Variants in DACH2 observed in about 807,000 individuals in gnomAD.
The protein encoded by DACH2 is dachshund homolog 2.
A neutral mutation model predicts 35.8 loss-of-function variants in DACH2; 17 were observed. That is an observed-to-expected ratio of 0.48 (90% CI 0.33 to 0.71). The LOEUF (loss-of-function observed/expected upper bound fraction) is 0.71. Ranked by LOEUF, DACH2 falls within the 30% of genes least tolerant of loss-of-function variation. The probability of loss-of-function intolerance (pLI) is 0.02; values close to 1 mark genes in which losing one functional copy is unlikely to be tolerated. For synonymous variants in DACH2, 195 were observed against 177.3 expected (o/e 1.10, Z -0.79); for missense variants, 469 against 472.7 (o/e 0.99, Z 0.07).
chrX:86,195,562 C>G (rs939534871), intron 1 of DACH2, among the ~76,000 whole-genome samples: 2 of 111,595 alleles, frequency 1.8e-5, no homozygotes, highest in Non-Finnish European at 3.8e-5. Context: ...CTGGTACCCA[C>G]TAGCACCCTG....
At chrX:86,206,062 G>A (rs1157250110) in intron 1 of DACH2, among the ~76,000 whole-genome samples, 1 of 111,423 alleles carries the variant, frequency 9.0e-6, no homozygotes, top group East Asian at 2.8e-4. Context: ...GACTTACTTG[G>A]AGGTCTACCA....
At chrX:86,373,166 T>G (rs1320168117) in intron 1 of DACH2, among the ~76,000 whole-genome samples, 1 of 110,755 alleles carries the variant, frequency 9.0e-6, no homozygotes, top group Non-Finnish European at 1.9e-5. Context: ...GTAGAAAAAT[T>G]TATTTTCCTT....
chrX:86,543,908 C>T (rs1768973049), intron 3 of DACH2, among the ~76,000 whole-genome samples: 1 of 106,990 alleles, frequency 9.3e-6, no homozygotes, highest in African/African-American at 3.4e-5. Flanking sequence ...GTGGGTGCAG[C>T]GCACCAGCAT....
chrX:86,830,693 C>A, intron 11 of DACH2: 1 of 111,705 alleles, frequency 9.0e-6, no homozygotes, highest in Middle Eastern at 4.7e-3. Flanking sequence ...TGTGCTATTG[C>A]TTTCCAGTTT....
At chrX:86,805,460 T>C (rs1487653049) in intron 7 of DACH2, among the ~76,000 whole-genome samples, 5 of 112,469 alleles carry the variant, frequency 4.4e-5, no homozygotes, top group South Asian at 3.6e-4. Flanking sequence ...TGAAATGCCT[T>C]TGAGGCATTT....
At chrX:86,641,826 C>A (rs1049325357) in intron 3 of DACH2, among the ~76,000 whole-genome samples, 2 of 111,908 alleles carry the variant, frequency 1.8e-5, no homozygotes, top group African/African-American at 6.5e-5. Context: ...AGAAAAAAAT[C>A]TTCAACCAAT....
chrX:86,403,426 AAAAATCACT>A (rs759675194), intron 2 of DACH2, among the ~76,000 whole-genome samples: 12 of 112,296 alleles, frequency 1.1e-4, no homozygotes, highest in Non-Finnish European at 1.7e-4. Flanking sequence ...GAAAATATGA[AAAAATCACT>A]AATCATCAGA....
chrX:86,396,184 T>A (rs773493735), intron 2 of DACH2, among the ~76,000 whole-genome samples: 28 of 111,784 alleles, frequency 2.5e-4, no homozygotes, highest in African/African-American at 8.8e-4. Flanking sequence ...CATAAATGTC[T>A]TCTTTTGAGA....
chrX:86,543,328 C>A lies in DACH2; in HGVS notation c.640+28937C>A, dbSNP rs775197281. On this transcript the variant is annotated intron_variant, in intron 3 of 11. Coordinates refer to ENST00000373125, the MANE Select transcript of DACH2 (RefSeq NM_053281.3). ...ATAAATGCAAAAATATAAAAGCAAT[C>A]CAAAGGATAGCAACTTCAAAGATTG... Among the ~76,000 whole-genome samples, 3 of 111,677 alleles carry A rather than the reference C, an allele frequency of 2.7e-5. No homozygotes were observed. In the South Asian group the frequency reaches 1.1e-3, roughly 42 times the overall value.
chrX:86,656,136 C>T (rs763701854), intron 4 of DACH2, among the ~76,000 whole-genome samples: 1 of 108,416 alleles, frequency 9.2e-6, no homozygotes, highest in African/African-American at 3.4e-5. Context: ...TTCCCCTGGA[C>T]AGTCATTTTC....
chrX:86,753,810 A>C (rs943774005), intron 7 of DACH2, among the ~76,000 whole-genome samples: 5 of 110,826 alleles, frequency 4.5e-5, no homozygotes, highest in African/African-American at 1.3e-4. Context: ...TACTGACCTG[A>C]AGGTCCTGTC....
At chrX:86,286,812 A>G (rs755223429) in intron 1 of DACH2, among the ~76,000 whole-genome samples, 31 of 112,020 alleles carry the variant, frequency 2.8e-4, no homozygotes, top group Non-Finnish European at 5.4e-4. Flanking sequence ...GTTTCTATTT[A>G]AATCTTATTT....
intron 7 of DACH2, among the ~76,000 whole-genome samples, chrX:86,782,009 C>T (rs772455736): frequency 9.3e-4 from 104 of 111,741 alleles, no homozygotes; most frequent in African/African-American, 3.0e-3. Flanking sequence ...AGTAAACAAA[C>T]AAAAAGCAGT....
chrX:86,539,060 C>G (rs972913446), intron 3 of DACH2, among the ~76,000 whole-genome samples: 1 of 111,032 alleles, frequency 9.0e-6, no homozygotes, highest in Non-Finnish European at 1.9e-5. Flanking sequence ...TATTGTTTGG[C>G]TCTGTGTCCC....
At chrX:86,821,951 G>GT (rs753143844) in intron 11 of DACH2, among the ~76,000 whole-genome samples, 2 of 111,416 alleles carry the variant, frequency 1.8e-5, no homozygotes, top group Middle Eastern at 4.7e-3. Flanking sequence ...ATTAACAGGT[G>GT]TTTTTTACTA....
intron 2 of DACH2, among the ~76,000 whole-genome samples, chrX:86,487,246 A>C (rs1161077917): frequency 8.9e-6 from 1 of 111,784 alleles, no homozygotes; most frequent in Non-Finnish European, 1.9e-5. Context: ...TACTCACTTT[A>C]AATGTAATCA....
At chrX:86,391,710 C>A (rs773352528) in intron 2 of DACH2, among the ~76,000 whole-genome samples, 6 of 111,323 alleles carry the variant, frequency 5.4e-5, no homozygotes, top group Admixed American at 9.6e-5. Context: ...ACATTCCCTA[C>A]AAAGTGGTGT....
intron 3 of DACH2, among the ~76,000 whole-genome samples, chrX:86,586,163 G>A (rs1025528961): frequency 3.7e-4 from 41 of 111,538 alleles, no homozygotes; most frequent in African/African-American, 1.2e-3. Flanking sequence ...GTGATGATTA[G>A]TGATGCTGAG....
intron 1 of DACH2, among the ~76,000 whole-genome samples, chrX:86,167,618 T>G: frequency 9.0e-6 from 1 of 111,564 alleles, no homozygotes; most frequent in East Asian, 2.8e-4. Flanking sequence ...TTTTAAATTC[T>G]TTTAGGTGTA....
Sources: gnomAD v4.1 joint callset for allele counts (sites outside exome capture counted in the v4.1 genomes callset) on GRCh38, gnomAD v4.1.1 for gene constraint, MANE v1.5 for transcripts, NCBI Gene and HGNC (gene_info 2026-07-23, HGNC 2026-07-21) for gene names.